Variants in MROH2B observed in about 807,000 individuals in gnomAD.
MROH2B encodes maestro heat like repeat family member 2B, also known as maestro heat-like repeat-containing protein family member 2B.
Under a neutral mutation model 208.6 loss-of-function variants are expected in MROH2B, and 177 were observed. The observed-to-expected ratio is 0.85, with a 90% CI of 0.75 to 0.96. The LOEUF is 0.96. MROH2B is among the 40% of genes least tolerant of loss of function. The probability of loss-of-function intolerance (pLI) is 0.00; values close to 1 mark genes in which losing one functional copy is unlikely to be tolerated. For synonymous variants in MROH2B, 728 were observed against 659.0 expected (o/e 1.10, Z -1.60); for missense variants, 2,002 against 1,878.7 (o/e 1.07, Z -1.21).
intron 12 of MROH2B, among the ~76,000 whole-genome samples, chr5:41,051,978 A>C (rs1470405980): frequency 6.6e-6 from 1 of 152,166 alleles, no homozygotes; most frequent in Non-Finnish European, 1.5e-5. Context: ...CTATTTTAGA[A>C]ATGCACTTCA....
chr5:41,042,115 TG>T lies in MROH2B; in HGVS notation c.1929del (p.Asn644ThrfsTer10). The T allele has an allele frequency of 6.3e-7, 1 of 1,592,048 alleles. No individual in the cohort carries two copies. On this transcript the variant is annotated frameshift_variant, in exon 19 of 42. Coordinates refer to ENST00000399564, the MANE Select transcript of MROH2B (RefSeq NM_173489.5). LOFTEE classifies it high-confidence loss of function. ...ACCTGTCTTTGATCCCCCAGTTGGT[TG>T]GGAGCAGTCAGAAACTCCTTAATCT... Reference protein sequence around the residue: ...NSQIKEFLTAPNQLGDQRQGI... With the variant: ...NSQIKEFLTAXNQLGDQRQGI...
chr5:41,069,721 GC>G lies in MROH2B; in HGVS notation c.59del (p.Gly20AlafsTer3). ...TAACAATATCTTCCTTGTTCAGCAT[GC>G]CAAGAGTGAGGTTAATATCCCCAAA... The part of the protein sequence containing the change: ...EMFGDINLTL[G>X]MLNKEDIVNK... On this transcript the variant is annotated frameshift_variant, in exon 2 of 42. Coordinates refer to ENST00000399564, the MANE Select transcript of MROH2B (RefSeq NM_173489.5). LOFTEE classifies it high-confidence loss of function. 6.2e-7 allele frequency: 1 copy of G among 1,607,294 alleles called. No homozygotes were observed. Among genetic ancestry groups the G allele is most frequent in the Non-Finnish European group, 8.5e-7 (1 of 1,176,164 alleles).
intron 37 of MROH2B, among the ~76,000 whole-genome samples, chr5:41,003,403 T>G (rs933486082): frequency 6.6e-6 from 1 of 152,128 alleles, no homozygotes; most frequent in Non-Finnish European, 1.5e-5. Flanking sequence ...TATTACAGAC[T>G]AAAATCTAGA....
At chr5:41,019,234 C>G (rs1219592963) in intron 24 of MROH2B, among the ~76,000 whole-genome samples, 1 of 152,124 alleles carries the variant, frequency 6.6e-6, no homozygotes, top group Non-Finnish European at 1.5e-5. Flanking sequence ...CGCCTCCATT[C>G]TTTAGATTAG....
intron 34 of MROH2B, among the ~76,000 whole-genome samples, chr5:41,006,145 C>T (rs1292796285): frequency 6.6e-6 from 1 of 151,824 alleles, no homozygotes; most frequent in Non-Finnish European, 1.5e-5. Context: ...TGCAGTTTGT[C>T]TAAACAATCC....
chr5:41,047,066 T>A (rs1974845), intron 17 of MROH2B, among the ~76,000 whole-genome samples: 1 of 6,990 alleles, frequency 1.4e-4, no homozygotes, highest in Admixed American at 1.9e-3. Context: ...TAGATGCCTT[T>A]TAATATAGAA....
intron 20 of MROH2B, 97 bp from the exon 21 acceptor site, chr5:41,038,985 A>G: frequency 1.8e-6 from 2 of 1,092,984 alleles, no homozygotes; most frequent in East Asian, 2.4e-5. Context: ...TATAGGGGAT[A>G]AGAAACTGGA....
intron 24 of MROH2B, among the ~76,000 whole-genome samples, chr5:41,025,009 C>T (rs1324119299): frequency 6.6e-6 from 1 of 152,134 alleles, no homozygotes; most frequent in Admixed American, 6.5e-5. Flanking sequence ...CACAACATAC[C>T]AGAATCTCTG....
At chr5:41,021,731 G>T (rs911860790) in intron 24 of MROH2B, among the ~76,000 whole-genome samples, 6 of 152,086 alleles carry the variant, frequency 3.9e-5, no homozygotes, top group Non-Finnish European at 7.4e-5. Flanking sequence ...AGAAGAATGA[G>T]CTGGGCGTGG....
At chr5:41,039,635 C>CT in intron 19 of MROH2B, 80 bp from the exon 20 acceptor site, 6 of 970,216 alleles carry the variant, frequency 6.2e-6, no homozygotes, top group Non-Finnish European at 9.1e-6. Flanking sequence ...CTATTATGTG[C>CT]CAGGTATCCT....
chr5:41,069,650 A>G (rs1561311526), intron 2 of MROH2B, 41 bp downstream of exon 2: 2 of 1,454,484 alleles, frequency 1.4e-6, no homozygotes, highest in Non-Finnish European at 1.9e-6. Flanking sequence ...TGCAACAAGA[A>G]GACTGAAAAA....
chr5:41,070,153 T>TC lies in MROH2B; in HGVS notation c.29-402dup, dbSNP rs375859271. On this transcript the variant is annotated intron_variant, in intron 1 of 41. Coordinates refer to ENST00000399564, the MANE Select transcript of MROH2B (RefSeq NM_173489.5). Reference sequence around the variant, plus strand: ...ATAGCTGTTTATTTTTCACTGGTCCTCCCCTCAATACCTCTCCCATCTTCT... The same window carrying TC: ...ATAGCTGTTTATTTTTCACTGGTCCTCCCCCTCAATACCTCTCCCATCTTCT... Among the ~76,000 whole-genome samples, 575 of 152,202 alleles carry TC rather than the reference T, an allele frequency of 3.8e-3. 7 individuals are homozygous for TC. The highest frequency in any genetic ancestry group is 0.013 in the African/African-American group (555 of 41,544).
At chr5:41,007,556 G>A in intron 33 of MROH2B, 102 bp from the exon 34 acceptor site, 5 of 1,100,978 alleles carry the variant, frequency 4.5e-6, no homozygotes, top group Non-Finnish European at 5.9e-6. Flanking sequence ...TCCCACCCCT[G>A]GACTAGGGGA....
rs994368385 is a variant in MROH2B, at chr5:41,007,347, C to T, written c.3716G>A (p.Ser1239Asn). Residue 1239 changes from serine to asparagine, a missense_variant, in exon 34 of 42, where the codon AGT becomes AAT. Ser to Asn is a conservative substitution (Grantham distance 46). Transcript: ENST00000399564. ...DNLWTLLSSP[S>N]THHIGVCSLA... ...TGAACATACGCCTATGTGGTGGGTA[C>T]TAGGACTGCTGAGTAGAGTCCATAA... The T allele has an allele frequency of 1.3e-6, 2 of 1,531,786 alleles. No homozygotes were observed. Among genetic ancestry groups the T allele is most frequent in the South Asian group, 2.5e-5 (2 of 80,366 alleles). 94.9% of individuals were successfully genotyped at this position (1,531,786 alleles called of 1,614,324 possible).
At chr5:41,000,465 G>A (rs996782857) in intron 38 of MROH2B, 114 bp from the exon 39 acceptor site, 111 of 1,397,138 alleles carry the variant, frequency 7.9e-5, no homozygotes, top group Non-Finnish European at 1.0e-4. Context: ...GGTGTGAATG[G>A]CTTTATAGTC....
In MROH2B at chr5:41,038,744, A is replaced by G. The variant is rs769684602; in HGVS notation, c.2206T>C (p.Cys736Arg). ...ISQVLSLHGQ[C>R]SQVLGMSVMN... ...CATGCAACGGGCATTACCTGAGAGC[A>G]CTGGCCATGAAGAGACAGGACTTGG... Residue 736 changes from cysteine (C) to arginine (R), a missense_variant, in exon 21 of 42, where the codon TGC becomes CGC. Transcript: ENST00000399564. 1.2e-6 allele frequency: 2 copies of G among 1,610,886 alleles called. No individual in the cohort carries two copies. The highest frequency in any genetic ancestry group is 2.2e-5 in the East Asian group (1 of 44,836).
chr5:41,050,742 T>C (rs556440012), intron 13 of MROH2B, among the ~76,000 whole-genome samples: 1 of 152,226 alleles, frequency 6.6e-6, no homozygotes, highest in East Asian at 1.9e-4. Context: ...ATTAATATTA[T>C]ATATATAAAT....
At chr5:41,046,006 T>C (rs1028097633) in intron 17 of MROH2B, 153 bp from the exon 18 acceptor site, 7 of 441,670 alleles carry the variant, frequency 1.6e-5, no homozygotes, top group Non-Finnish European at 2.4e-5. Flanking sequence ...GAAACTTTCC[T>C]CTTAGTTTAT....
intron 24 of MROH2B, among the ~76,000 whole-genome samples, chr5:41,023,289 C>T (rs185552797): frequency 6.6e-6 from 1 of 152,186 alleles, no homozygotes; most frequent in African/African-American, 2.4e-5. Context: ...AGCTAAAAAT[C>T]TTGAAAAAAG....
Sources: gnomAD v4.1 joint callset for allele counts (sites outside exome capture counted in the v4.1 genomes callset) on GRCh38, gnomAD v4.1.1 for gene constraint, MANE v1.5 for transcripts, NCBI Gene and HGNC (gene_info 2026-07-23, HGNC 2026-07-21) for gene names.